FBXO34: variants seen among roughly 807,000 people sequenced by gnomAD.
FBXO34 encodes F-box only protein 34.
Under a neutral mutation model 24.5 loss-of-function variants are expected in FBXO34, and 12 were observed. The observed-to-expected ratio is 0.49, with a 90% confidence interval of 0.31 to 0.79. The LOEUF is 0.79. FBXO34 is among the 30% of genes least tolerant of loss of function. The probability of loss-of-function intolerance (pLI) is 0.04; values close to 1 mark genes in which losing one functional copy is unlikely to be tolerated. For synonymous variants in FBXO34, 320 were observed against 311.9 expected (o/e 1.03, Z -0.27); for missense variants, 823 against 857.7 (o/e 0.96, Z 0.51).
chr14:55,369,546 G>T, downstream of FBXO34: 1 of 1,319,720 alleles, frequency 7.6e-7, no homozygotes, highest in Non-Finnish European at 1.0e-6. Context: ...AACTTAAACA[G>T]AAAATGTTTA....
rs556474639 is a variant in FBXO34 at position 55,327,814 on chromosome 14, G to A, written c.-10-22567G>A. ...GCCAAACCCTATATATATTGTGCAC[G>A]AAATCTTTTTTCATTCGCAATTTTA... On this transcript the variant is annotated intron_variant, in intron 1 of 1. Transcript: ENST00000313833. Among the ~76,000 whole-genome samples the A allele has an allele frequency of 1.4e-3, 202 of 149,166 alleles. 1 individual carries two copies. Among genetic ancestry groups the A allele is most frequent in the African/African-American group, 4.7e-3 (190 of 40,602 alleles).
the FBXO34 span, among the ~76,000 whole-genome samples, chr14:55,404,642 C>A: frequency 6.6e-6 from 1 of 152,270 alleles, no homozygotes; most frequent in African/African-American, 2.4e-5. Context: ...AATCTTCACA[C>A]AAGTGGCAGG....
intron 1 of FBXO34, among the ~76,000 whole-genome samples, chr14:55,332,159 C>T (rs1319085270): frequency 2.0e-5 from 3 of 150,552 alleles, no homozygotes; most frequent in Non-Finnish European, 4.4e-5. Context: ...ACTTGAACTG[C>T]AACTGGAATC....
chr14:55,326,878 G>T (rs895553976), intron 1 of FBXO34, among the ~76,000 whole-genome samples: 1 of 152,262 alleles, frequency 6.6e-6, no homozygotes, highest in South Asian at 2.1e-4. Context: ...TCCTAAAACA[G>T]CTGGTATAAT....
Position 55,330,923 on chromosome 14 carries a change from G to A in FBXO34, c.-10-19458G>A, listed in dbSNP as rs564548228. On this transcript the variant is annotated intron_variant, in intron 1 of 1. Transcript: ENST00000313833. ...CCTTTTCTATGGATGGAGATTTTGTGCTTTGTTCACTTCTGTATCCCCAGT... is the reference window on the plus strand; with the variant it reads ...CCTTTTCTATGGATGGAGATTTTGTACTTTGTTCACTTCTGTATCCCCAGT... 3.3e-5 allele frequency among the ~76,000 whole-genome samples: 5 copies of A among 152,242 alleles called. No individual in the cohort carries two copies. The South Asian group carries it at 8.3e-4, about 25-fold the overall frequency.
chr14:55,305,493 G>A (rs925717690), intron 1 of FBXO34, among the ~76,000 whole-genome samples: 13 of 151,560 alleles, frequency 8.6e-5, no homozygotes, highest in East Asian at 1.9e-4. Flanking sequence ...TCAGGAGTTC[G>A]AGACCAGCCT....
the FBXO34 span, among the ~76,000 whole-genome samples, chr14:55,392,300 T>C: frequency 6.6e-6 from 1 of 152,130 alleles, no homozygotes; most frequent in Admixed American, 6.5e-5. Flanking sequence ...CCAGTAGGTA[T>C]ATGTGGCCTG....
chr14:55,402,247 T>G, the FBXO34 span, among the ~76,000 whole-genome samples: 1 of 152,178 alleles, frequency 6.6e-6, no homozygotes, highest in East Asian at 1.9e-4. Context: ...GCCTGTCTAG[T>G]CCTTTCCCTC....
intron 1 of FBXO34, among the ~76,000 whole-genome samples, chr14:55,297,730 T>A (rs1190473654): frequency 6.6e-6 from 1 of 152,166 alleles, no homozygotes; most frequent in Non-Finnish European, 1.5e-5. Flanking sequence ...TAAAAGTCTT[T>A]GAAAAACCCT....
the FBXO34 span, among the ~76,000 whole-genome samples, chr14:55,404,776 A>G: frequency 2.6e-5 from 4 of 152,142 alleles, no homozygotes; most frequent in Non-Finnish European, 5.9e-5. Context: ...TTCTTTTCCG[A>G]TACTGTTATA....
the FBXO34 span, chr14:55,437,092 A>T: frequency 7.5e-7 from 1 of 1,337,652 alleles, no homozygotes. Flanking sequence ...GGATGTCACT[A>T]TGGCAGGCAG....
chr14:55,312,265 T>C (rs908545577), intron 1 of FBXO34, among the ~76,000 whole-genome samples: 1 of 152,120 alleles, frequency 6.6e-6, no homozygotes, highest in African/African-American at 2.4e-5. Context: ...CACATCCAGG[T>C]CACACTGATG....
chr14:55,363,779 ATTG>A (rs1220554154), downstream of FBXO34, among the ~76,000 whole-genome samples: 1 of 152,038 alleles, frequency 6.6e-6, no homozygotes, highest in African/African-American at 2.4e-5. Flanking sequence ...CTCAGTAGCT[ATTG>A]TTAATGTGTT....
chr14:55,323,524 A>G (rs1883239585), intron 1 of FBXO34, among the ~76,000 whole-genome samples: 2 of 151,908 alleles, frequency 1.3e-5, no homozygotes, highest in African/African-American at 4.8e-5. Context: ...CTGGGATTAC[A>G]GGCACGTGCC....
At chr14:55,440,616 T>A in the FBXO34 span, 1 of 1,471,140 alleles carries the variant, frequency 6.8e-7, no homozygotes, top group Admixed American at 2.4e-5. Flanking sequence ...GAGAGAAGCG[T>A]TGGGCGATGG....
the FBXO34 span, among the ~76,000 whole-genome samples, chr14:55,387,380 T>TC: frequency 5.3e-5 from 8 of 152,144 alleles, no homozygotes; most frequent in Non-Finnish European, 4.4e-5. Flanking sequence ...ACTCAGGCTA[T>TC]CTATTTGCTC....
intron 1 of FBXO34, among the ~76,000 whole-genome samples, chr14:55,344,188 A>G (rs1227810268): frequency 6.6e-6 from 1 of 151,898 alleles, no homozygotes; most frequent in African/African-American, 2.4e-5. Context: ...CCTTCTAGTC[A>G]CCCCTCCATC....
At chr14:55,278,182 A>G (rs1006200838) in intron 1 of FBXO34, among the ~76,000 whole-genome samples, 3 of 152,192 alleles carry the variant, frequency 2.0e-5, no homozygotes, top group African/African-American at 4.8e-5. Context: ...AGCATTGCCT[A>G]TATGTAAAAC....
chr14:55,421,016 G>A, the FBXO34 span, among the ~76,000 whole-genome samples: 5 of 139,442 alleles, frequency 3.6e-5, no homozygotes, highest in Admixed American at 3.2e-4. Context: ...AGCCGAGATC[G>A]CACCACTGCA....
Sources: gnomAD v4.1 joint callset for allele counts (sites outside exome capture counted in the v4.1 genomes callset) on GRCh38, gnomAD v4.1.1 for gene constraint, MANE v1.5 for transcripts, NCBI Gene and HGNC (gene_info 2026-07-23, HGNC 2026-07-21) for gene names.